The following ZFHX3 variants were observed in gnomAD, a reference collection of about 807,000 sequenced individuals.
ZFHX3 encodes zinc finger homeobox protein 3.
ZFHX3 carries 42 observed loss-of-function variants against 279.1 expected under a neutral mutation model. The observed-to-expected ratio is 0.15, with a 90% confidence interval of 0.12 to 0.19. The LOEUF is 0.19. ZFHX3 is among the 10% of genes least tolerant of loss of function. ZFHX3 has a pLI of 1.00. For synonymous variants in ZFHX3, 2,293 were observed against 1,957.8 expected (o/e 1.17, Z -4.52); for missense variants, 4,981 against 4,754.0 (o/e 1.05, Z -1.40).
chr16:73,022,553 C>T (rs2144654140), intron 1 of ZFHX3, among the ~76,000 whole-genome samples: 1 of 152,258 alleles, frequency 6.6e-6, no homozygotes, highest in Admixed American at 6.5e-5. Context: ...AGCATCCTCT[C>T]CCCAAAGTGT....
At chr16:73,364,052 C>A (rs1424659605) in intron 3 of ZFHX3, among the ~76,000 whole-genome samples, 1 of 151,958 alleles carries the variant, frequency 6.6e-6, no homozygotes, top group Non-Finnish European at 1.5e-5. Flanking sequence ...GCATGCCTGT[C>A]ATCCCAGCTA....
At chr16:73,298,473 T>G (rs1169092621) in intron 4 of ZFHX3, among the ~76,000 whole-genome samples, 1 of 151,540 alleles carries the variant, frequency 6.6e-6, no homozygotes, top group Non-Finnish European at 1.5e-5. Context: ...TGTGAGCCAC[T>G]GCGCCCAACC....
intron 2 of ZFHX3, among the ~76,000 whole-genome samples, chr16:73,658,569 C>A (rs2142172780): frequency 6.6e-6 from 1 of 152,296 alleles, no homozygotes; most frequent in East Asian, 1.9e-4. Flanking sequence ...TCCCAAAGTG[C>A]TGGGATTACA....
At chr16:73,848,462 A>G (rs931124301) in intron 1 of ZFHX3, among the ~76,000 whole-genome samples, 1 of 152,222 alleles carries the variant, frequency 6.6e-6, no homozygotes, top group African/African-American at 2.4e-5. Context: ...CAGAACAGGC[A>G]CCATGCAAGA....
intron 4 of ZFHX3, among the ~76,000 whole-genome samples, chr16:72,856,435 G>T (rs1306661445): frequency 6.6e-6 from 1 of 152,218 alleles, no homozygotes; most frequent in Non-Finnish European, 1.5e-5. Flanking sequence ...CACAGGCCAG[G>T]TGCAGCTAGC....
chr16:73,529,513 G>T (rs2019755555), intron 2 of ZFHX3, among the ~76,000 whole-genome samples: 1 of 152,044 alleles, frequency 6.6e-6, no homozygotes, highest in African/African-American at 2.4e-5. Flanking sequence ...GACACTCAGA[G>T]ACAGCAAAGA....
intron 1 of ZFHX3, among the ~76,000 whole-genome samples, chr16:73,846,936 T>A (rs1961464094): frequency 1.3e-5 from 2 of 152,238 alleles, no homozygotes; most frequent in Non-Finnish European, 2.9e-5. Context: ...TAAATAGTTT[T>A]TTTTTCTCCT....
At chr16:73,336,139 G>A (rs181841763) in intron 3 of ZFHX3, among the ~76,000 whole-genome samples, 1 of 152,326 alleles carries the variant, frequency 6.6e-6, no homozygotes, top group Non-Finnish European at 1.5e-5. Flanking sequence ...GCAGTGGAAG[G>A]TGGTGGAGAG....
At chr16:73,839,115 G>C (rs1961224006) in intron 1 of ZFHX3, among the ~76,000 whole-genome samples, 1 of 151,626 alleles carries the variant, frequency 6.6e-6, no homozygotes, top group Non-Finnish European at 1.5e-5. Flanking sequence ...TGTTATATTG[G>C]CCTGGTTGTA....
chr16:73,464,027 G>A (rs1230508983), intron 2 of ZFHX3, among the ~76,000 whole-genome samples: 2 of 152,180 alleles, frequency 1.3e-5, no homozygotes, highest in Admixed American at 6.5e-5. Flanking sequence ...GAACATTTAA[G>A]TGGATGCAAA....
At chr16:73,258,701 C>T (rs373070695) in intron 4 of ZFHX3, among the ~76,000 whole-genome samples, 4 of 152,238 alleles carry the variant, frequency 2.6e-5, no homozygotes, top group African/African-American at 9.6e-5. Context: ...CTAATAAAGA[C>T]CTATATATTT....
intron 1 of ZFHX3, among the ~76,000 whole-genome samples, chr16:73,746,065 T>C (rs28539529): frequency 0.011 from 1,734 of 152,112 alleles, 53 homozygotes; most frequent in African/African-American, 0.04. Flanking sequence ...TTTTTATTTT[T>C]TTAAGTACAG....
At position 72,794,366 on chromosome 16, in the gene ZFHX3, G is replaced by A. The variant is rs2229289; in HGVS notation, c.8316C>T (p.His2772=). Residue 2772 remains histidine (H), a synonymous_variant, in exon 9 of 10, where the codon CAC becomes CAT. Transcript: ENST00000268489. This position sits in a 1 kb window ranked among gnomAD's most constrained non-coding sequence, Gnocchi z 4.2. The part of the protein sequence containing the change: ...GDIFDGTSFS[H]LPPSSSDGQG... ...GACCATCACTACTGCTTGGGGGTAG[G>A]TGGGAAAAGCTAGTTCCGTCAAAAA... 16,947 of 1,602,756 alleles carry A rather than the reference G, an allele frequency of 0.011. 113 individuals are homozygous for A. Among genetic ancestry groups the A allele is most frequent in the Non-Finnish European group, 0.014 (15,883 of 1,174,082 alleles).
intron 2 of ZFHX3, among the ~76,000 whole-genome samples, chr16:73,532,096 A>T (rs1230026519): frequency 1.3e-5 from 2 of 151,512 alleles, no homozygotes; most frequent in African/African-American, 4.9e-5. Context: ...TCTAAAAAAG[A>T]TTAAAAAAAA....
intron 1 of ZFHX3, among the ~76,000 whole-genome samples, chr16:73,038,710 A>G (rs573182468): frequency 5.6e-4 from 85 of 152,260 alleles, no homozygotes; most frequent in African/African-American, 1.8e-3. Context: ...GGACAGCACT[A>G]GAGAGGTGCA....
At chr16:73,023,255 T>C (rs1054624813) in intron 1 of ZFHX3, among the ~76,000 whole-genome samples, 10 of 152,130 alleles carry the variant, frequency 6.6e-5, no homozygotes, top group African/African-American at 1.4e-4. Flanking sequence ...AAATAAAATA[T>C]AGTATTTGCT....
At chr16:73,731,355 T>C (rs546630210) in intron 1 of ZFHX3, among the ~76,000 whole-genome samples, 47 of 152,252 alleles carry the variant, frequency 3.1e-4, no homozygotes, top group Middle Eastern at 3.4e-3. Flanking sequence ...CACCCTGTCA[T>C]AGAATGTCAA....
At chr16:73,342,610 G>A (rs962680772) in intron 3 of ZFHX3, among the ~76,000 whole-genome samples, 1 of 152,000 alleles carries the variant, frequency 6.6e-6, no homozygotes, top group Admixed American at 6.5e-5. Flanking sequence ...AGAAAGAAGA[G>A]GAAATAAACT....
intron 3 of ZFHX3, among the ~76,000 whole-genome samples, chr16:73,348,569 G>T (rs2143277974): frequency 6.6e-6 from 1 of 152,340 alleles, no homozygotes; most frequent in East Asian, 1.9e-4. Flanking sequence ...CACCCGGAGA[G>T]CTTTGTCGTT....
Sources: gnomAD v4.1 joint callset for allele counts (sites outside exome capture counted in the v4.1 genomes callset) on GRCh38, gnomAD v4.1.1 for gene constraint, Gnocchi (gnomAD v3.1) non-coding constraint, MANE v1.5 for transcripts, NCBI Gene and HGNC (gene_info 2026-07-23, HGNC 2026-07-21) for gene names.